Variants in GPR155 observed in about 807,000 individuals in gnomAD.
The protein encoded by GPR155 is lysosomal cholesterol signaling protein.
In GPR155, 65 loss-of-function variants were observed where a neutral mutation model predicts 93.1. The ratio of observed to expected loss-of-function variants is 0.70; its 90% CI spans 0.57 to 0.86. The LOEUF is 0.86. GPR155 is among the 40% of genes least tolerant of loss of function. GPR155 has a pLI of 0.00. For missense variants in GPR155, 838 were observed against 1,034.8 expected (o/e 0.81, Z 2.61); for synonymous variants, 319 against 360.1 (o/e 0.89, Z 1.29).
At chr2:174,436,675 A>G (rs1268215640) in intron 15 of GPR155, among the ~76,000 whole-genome samples, 2 of 152,234 alleles carry the variant, frequency 1.3e-5, no homozygotes, top group Non-Finnish European at 2.9e-5. Context: ...AAAGTCATAG[A>G]TAATGTAAAT....
intron 13 of GPR155, among the ~76,000 whole-genome samples, chr2:174,444,500 T>TC (rs1055750779): frequency 6.8e-6 from 1 of 147,412 alleles, no homozygotes; most frequent in African/African-American, 2.5e-5. Context: ...TTTTTTTTTT[T>TC]TTTTTTTGAG....
chr2:174,481,772 GC>G lies in GPR155; in HGVS notation c.184del (p.Ala62ProfsTer4). Reference protein sequence around the residue: ...IVLCGYIAGRANVITSTQAKG... With the variant: ...IVLCGYIAGRXNVITSTQAKG... Reference sequence around the variant, plus strand: ...GGCCTGGGTTGATGTTATGACATTGGCCCTTCCTGCTATGTAGCCACAAAGG... The same window carrying G: ...GGCCTGGGTTGATGTTATGACATTGGCCTTCCTGCTATGTAGCCACAAAGG... On this transcript the variant is annotated frameshift_variant, in exon 2 of 16. Transcript: ENST00000392552. LOFTEE classifies it high-confidence loss of function. The G allele has an allele frequency of 6.2e-7, 1 of 1,614,182 alleles. No homozygotes were observed. The highest frequency in any genetic ancestry group is 1.3e-5 in the African/African-American group (1 of 75,062).
intron 15 of GPR155, among the ~76,000 whole-genome samples, chr2:174,437,039 C>T (rs181341349): frequency 2.6e-5 from 4 of 152,264 alleles, no homozygotes; most frequent in African/African-American, 9.6e-5. Flanking sequence ...TGCTACAAAT[C>T]TAAGATTTTT....
rs1574687162 is a variant in GPR155, at chr2:174,436,215, AG to A, written c.2513del (p.Pro838LeufsTer54). The A allele has an allele frequency of 5.6e-6, 9 of 1,613,904 alleles. No individual in the cohort carries two copies. The highest frequency in any genetic ancestry group is 7.6e-6 in the Non-Finnish European group (9 of 1,179,742). On this transcript the variant is annotated frameshift_variant, in exon 16 of 16. Transcript: ENST00000392552. LOFTEE classifies it high-confidence loss of function. ...CATTAATAGCAGGAGGACTCTGTTC[AG>A]GACTCTTTTGAAGAAATCTGTAAAA... ...YLFYRFLQKSPEQSPPAINAN... is the reference protein window; with the variant it reads ...YLFYRFLQKSXEQSPPAINAN...
rs1471467885 is a variant in GPR155, at chr2:174,435,804, C to T, written c.*312G>A. On this transcript the variant is annotated 3_prime_UTR_variant, in exon 16 of 16. Coordinates refer to ENST00000392552, the MANE Select transcript of GPR155 (RefSeq NM_152529.7). ...CATTTTATATAAGGGACTTGAGTAT[C>T]CTCAGATTTTGGGATCTTCAGGAGT... is the stretch of plus-strand genomic sequence containing the variant. The T allele has an allele frequency of 4.1e-6, 1 of 244,778 alleles. No homozygotes were observed. The highest frequency in any genetic ancestry group is 7.9e-6 in the Non-Finnish European group (1 of 126,336). 15.2% of individuals were successfully genotyped at this position (244,778 alleles called of 1,614,324 possible).
Position 174,460,053 on chromosome 2 carries a change from G to C in GPR155, c.1596C>G (p.Ile532Met). The C allele has an allele frequency of 1.2e-6, 2 of 1,613,544 alleles. No homozygotes were observed. The highest frequency in any genetic ancestry group is 1.7e-6 in the Non-Finnish European group (2 of 1,179,954). Residue 532 changes from isoleucine to methionine, a missense_variant, in exon 10 of 16, where the codon ATC becomes ATG. By Grantham distance (10) the Ile-to-Met change is conservative (BLOSUM62 1). Transcript: ENST00000392552. ...ITTAVTLFCS[I>M]LIAGISLMCM... ...ACATGAGGGATATGCCAGCTATCAG[G>C]ATGCTGCAGAACAGGGTGACTGCTG...
chr2:174,485,197 A>G (rs968887782), intron 1 of GPR155, among the ~76,000 whole-genome samples: 3 of 152,254 alleles, frequency 2.0e-5, no homozygotes, highest in African/African-American at 7.2e-5. Flanking sequence ...AATGGTTAAC[A>G]GTGAAGGCAG....
rs192109904 is a variant in GPR155, at chr2:174,448,396, C to A, written c.1877-1649G>T. Among the ~76,000 whole-genome samples, 4 of 152,078 alleles carry A rather than the reference C, an allele frequency of 2.6e-5. No homozygotes were observed. In the East Asian group the frequency reaches 7.7e-4, roughly 29 times the overall value. On this transcript the variant is annotated intron_variant, in intron 11 of 15. Coordinates refer to ENST00000392552, the MANE Select transcript of GPR155 (RefSeq NM_152529.7). ...TCTCAAAAAAAAGTAATGCCTCAAA[C>A]TATAAGAATCCTAGAAGAAAACCTA...
At chr2:174,447,837 A>G (rs1687185395) in intron 11 of GPR155, among the ~76,000 whole-genome samples, 1 of 148,140 alleles carries the variant, frequency 6.8e-6, no homozygotes, top group Non-Finnish European at 1.5e-5. Context: ...GAAAAAGTAT[A>G]TAATATATAT....
intron 5 of GPR155, 42 bp downstream of exon 5, chr2:174,468,870 C>T (rs768611432): frequency 3.2e-6 from 5 of 1,540,714 alleles, no homozygotes; most frequent in South Asian, 1.1e-5. Flanking sequence ...TCTCAAAACT[C>T]ATTCTGTGGT....
intron 14 of GPR155, among the ~76,000 whole-genome samples, chr2:174,441,626 C>A (rs988865341): frequency 1.3e-5 from 2 of 151,966 alleles, no homozygotes; most frequent in Non-Finnish European, 2.9e-5. Flanking sequence ...TGTTCCCCAC[C>A]GTGTGTCCAA....
Position 174,461,415 on chromosome 2 carries a change from TA to T in GPR155, c.1546del (p.Tyr516MetfsTer6). On this transcript the variant is annotated frameshift_variant, in exon 9 of 16. Transcript: ENST00000392552. LOFTEE classifies it high-confidence loss of function. ...NGDSIDSAFF[Y>X]GKEQMITTAV... ...AACTCTTCCCACCTGTTCTTTTCCA[TA>T]AAAGAAGGCTGAGTCAATGCTATCT... is the stretch of plus-strand genomic sequence containing the variant. 6.2e-7 allele frequency: 1 copy of T among 1,610,010 alleles called. No homozygotes were observed. The highest frequency in any genetic ancestry group is 8.5e-7 in the Non-Finnish European group (1 of 1,176,324).
In GPR155 at chr2:174,453,748, G is replaced by A. The variant is rs775924682; in HGVS notation, c.1865C>T (p.Ser622Leu). 1.0e-5 allele frequency: 16 copies of A among 1,590,912 alleles called. No individual in the cohort carries two copies. The East Asian group carries it at 1.1e-4, about 11-fold the overall frequency. The change falls in exon 11 of 16, where the codon TCG becomes TTG. Residue 622 changes from serine to leucine, a missense_variant. This residue lies in a region of GPR155 where 663 missense variants were observed against 790.1 expected (regional missense o/e 0.84). Transcript: ENST00000392552. ...NTSTSEPVIP[S>L]FEKNNHCVSR... ...CCAGAGGCACTTACTTTTCTCAAAC[G>A]AAGGAATCACAGGCTCACTGGTGCT...
chr2:174,446,259 A>T (rs1048043662), intron 12 of GPR155, among the ~76,000 whole-genome samples: 8 of 144,072 alleles, frequency 5.6e-5, no homozygotes, highest in African/African-American at 2.1e-4. Flanking sequence ...GTGAGCTGAG[A>T]TCATGCCACT....
intron 4 of GPR155, 116 bp downstream of exon 4, chr2:174,470,274 C>T: frequency 1.2e-6 from 1 of 803,326 alleles, no homozygotes; most frequent in South Asian, 1.9e-5. Context: ...CATAGTGAGA[C>T]CCCCGTCGTC....
chr2:174,448,547 T>TGTC (rs1687219782), intron 11 of GPR155, among the ~76,000 whole-genome samples: 1 of 98,960 alleles, frequency 1.0e-5, no homozygotes, highest in African/African-American at 3.5e-5. Flanking sequence ...TTTTTTTTTT[T>TGTC]TGAGACGGAG....
chr2:174,466,116 A>T (rs1030944180), intron 6 of GPR155, among the ~76,000 whole-genome samples: 1 of 152,254 alleles, frequency 6.6e-6, no homozygotes, highest in Non-Finnish European at 1.5e-5. Context: ...ATTTTATAAC[A>T]GAGCCTTTGA....
Position 174,469,038 on chromosome 2 carries a change from A to G in GPR155, c.1056T>C (p.Phe352=), listed in dbSNP as rs149349990. The change falls in exon 5 of 16, where the codon TTT becomes TTC. Residue 352 remains phenylalanine (F), a synonymous_variant. Coordinates refer to ENST00000392552, the MANE Select transcript of GPR155 (RefSeq NM_152529.7). ...IITSGMVIST[F]VSAPIMYVSA... is the part of the protein sequence containing the mutation. Reference sequence around the variant, plus strand: ...AAACGTACATGATGGGAGCAGACACAAATGTGCTTATCACCATCCCTGAGG... The same window carrying G: ...AAACGTACATGATGGGAGCAGACACGAATGTGCTTATCACCATCCCTGAGG... The G allele has an allele frequency of 8.7e-6, 14 of 1,613,998 alleles. No individual in the cohort carries two copies. The highest frequency in any genetic ancestry group is 1.3e-5 in the African/African-American group (1 of 74,940).
rs192786688 is a variant in GPR155 at position 174,451,746 on chromosome 2, A to G, written c.1876+1991T>C. Reference sequence around the variant, plus strand: ...TTGCAGCTGCAACCTCCTGGGCTCAAGCGATCCTCCCACCCCAGCCTCCTG... The same window carrying G: ...TTGCAGCTGCAACCTCCTGGGCTCAGGCGATCCTCCCACCCCAGCCTCCTG... On this transcript the variant is annotated intron_variant, in intron 11 of 15. Coordinates refer to ENST00000392552, the MANE Select transcript of GPR155 (RefSeq NM_152529.7). Among the ~76,000 whole-genome samples the G allele has an allele frequency of 2.1e-3, 322 of 152,314 alleles. 1 individual carries two copies. Among genetic ancestry groups the G allele is most frequent in the African/African-American group, 7.2e-3 (301 of 41,574 alleles).
Sources: gnomAD v4.1 joint callset for allele counts (sites outside exome capture counted in the v4.1 genomes callset) on GRCh38, gnomAD v4.1.1 for gene constraint, gnomAD v4.1.1 regional missense constraint, MANE v1.5 for transcripts, NCBI Gene and HGNC (gene_info 2026-07-23, HGNC 2026-07-21) for gene names.